The following HPS4 variants were observed in gnomAD, a reference collection of about 807,000 sequenced individuals.
HPS4 encodes HPS4 biogenesis of lysosomal organelles complex 3 subunit 2, also known as BLOC-3 complex member HPS4.
A neutral mutation model predicts 70.3 loss-of-function variants in HPS4; 44 were observed. The observed-to-expected ratio is 0.63, with a 90% CI of 0.49 to 0.80. The LOEUF is 0.80. HPS4 is among the 30% of genes least tolerant of loss of function. The pLI is 0.00. For synonymous variants in HPS4, 377 were observed against 355.9 expected (o/e 1.06, Z -0.67); for missense variants, 873 against 884.4 (o/e 0.99, Z 0.16).
At chr22:26,460,651 C>T (rs913024580) in intron 11 of HPS4, among the ~76,000 whole-genome samples, 4 of 152,220 alleles carry the variant, frequency 2.6e-5, no homozygotes, top group African/African-American at 9.6e-5. Context: ...CAGTTAATCA[C>T]AAGATGCTAT....
downstream of HPS4, among the ~76,000 whole-genome samples, chr22:26,449,754 C>T (rs2085081047): frequency 6.6e-6 from 1 of 152,194 alleles, no homozygotes; most frequent in South Asian, 2.1e-4. Flanking sequence ...AACTGGGCAT[C>T]ACAAGGAGAA....
At chr22:26,457,099 C>T (rs1383509770) in intron 13 of HPS4, among the ~76,000 whole-genome samples, 1 of 151,514 alleles carries the variant, frequency 6.6e-6, no homozygotes, top group Non-Finnish European at 1.5e-5. Context: ...CAATATATAC[C>T]AAACTGTAAA....
At chr22:26,458,405 T>C in intron 12 of HPS4, 40 bp downstream of exon 12, 1 of 1,613,040 alleles carries the variant, frequency 6.2e-7, no homozygotes, top group Non-Finnish European at 8.5e-7. Flanking sequence ...ATCTAGAATC[T>C]GGCATCCCCG....
intron 2 of HPS4, among the ~76,000 whole-genome samples, chr22:26,480,098 T>C (rs1211043288): frequency 6.6e-6 from 1 of 152,196 alleles, no homozygotes; most frequent in Non-Finnish European, 1.5e-5. Flanking sequence ...CACTGCAGTA[T>C]AACTATATTA....
intron 9 of HPS4, 120 bp downstream of exon 9, chr22:26,466,106 T>A: frequency 1.2e-6 from 2 of 1,606,892 alleles, no homozygotes; most frequent in Non-Finnish European, 8.5e-7. Flanking sequence ...TCCATTTTCC[T>A]ATTATGAGCA....
intron 8 of HPS4, chr22:26,467,926 G>A (rs979334685): frequency 6.6e-6 from 1 of 151,942 alleles, no homozygotes; most frequent in African/African-American, 2.4e-5. Context: ...TTTTGAGACA[G>A]AGTCTCACTC....
At chr22:26,446,306 T>C (rs1343036258), downstream of HPS4, among the ~76,000 whole-genome samples, 2 of 152,174 alleles carry the variant, frequency 1.3e-5, no homozygotes, top group Non-Finnish European at 2.9e-5. Context: ...CACCTGTTCA[T>C]CAGCCCCTAG....
intron 7 of HPS4, among the ~76,000 whole-genome samples, chr22:26,469,713 AT>A (rs1355788080): frequency 4.8e-3 from 62 of 12,872 alleles, no homozygotes; most frequent in South Asian, 0.013. Context: ...AAAAAAAAAT[AT>A]ATATATATAC....
chr22:26,460,042 T>C (rs751217389), intron 11 of HPS4, among the ~76,000 whole-genome samples: 1 of 152,230 alleles, frequency 6.6e-6, no homozygotes, highest in Non-Finnish European at 1.5e-5. Flanking sequence ...TAAATCAGTT[T>C]TCCTGTATGA....
At chr22:26,454,846 A>G (rs1224763732) in intron 13 of HPS4, among the ~76,000 whole-genome samples, 1 of 152,206 alleles carries the variant, frequency 6.6e-6, no homozygotes, top group Non-Finnish European at 1.5e-5. Flanking sequence ...ACAAAGGGCT[A>G]ATATCCAGAA....
downstream of HPS4, among the ~76,000 whole-genome samples, chr22:26,450,420 C>T (rs140981923): frequency 2.6e-5 from 4 of 152,334 alleles, no homozygotes; most frequent in Non-Finnish European, 5.9e-5. Context: ...CCATGGAGGG[C>T]GACTTCAACA....
intron 4 of HPS4, chr22:26,476,421 T>C (rs1166013383): frequency 6.5e-6 from 1 of 153,052 alleles, no homozygotes; most frequent in Non-Finnish European, 1.5e-5. Flanking sequence ...CAATCATGGC[T>C]CACTGCAGCC....
chr22:26,474,247 A>G (rs1371628579), intron 4 of HPS4, among the ~76,000 whole-genome samples: 2 of 152,246 alleles, frequency 1.3e-5, no homozygotes, highest in South Asian at 2.1e-4. Flanking sequence ...TCTGTGGAAA[A>G]GCCGAAAAGA....
At chr22:26,467,883 T>C (rs1013226323) in intron 8 of HPS4, 2 of 152,184 alleles carry the variant, frequency 1.3e-5, no homozygotes, top group African/African-American at 4.8e-5. Flanking sequence ...TAGAAGAGTT[T>C]GTTTTCCTTA....
chr22:26,470,861 T>A (rs1022816539), intron 6 of HPS4, 48 bp from the exon 7 acceptor site: 7 of 1,611,268 alleles, frequency 4.3e-6, no homozygotes, highest in Non-Finnish European at 5.9e-6. Flanking sequence ...ATGCTCACAA[T>A]CAGGAAGGGA....
At chr22:26,456,350 T>A (rs763915134) in intron 13 of HPS4, among the ~76,000 whole-genome samples, 35 of 152,226 alleles carry the variant, frequency 2.3e-4, no homozygotes, top group Non-Finnish European at 4.3e-4. Flanking sequence ...TTCTCATCTG[T>A]AAAATGAGGA....
At chr22:26,470,002 G>C (rs2089513112) in intron 7 of HPS4, among the ~76,000 whole-genome samples, 1 of 152,248 alleles carries the variant, frequency 6.6e-6, no homozygotes, top group Non-Finnish European at 1.5e-5. Flanking sequence ...GGAGGATCTG[G>C]GGCCGAGCCT....
intron 13 of HPS4, 78 bp downstream of exon 13, chr22:26,457,781 C>T (rs550098201): frequency 7.8e-5 from 81 of 1,035,694 alleles, no homozygotes; most frequent in South Asian, 3.1e-4. Context: ...AGGAATAAGG[C>T]GCTGCCTGGG....
rs189211910 is a variant in HPS4, at chr22:26,478,209, G to A, written c.132+1056C>T. 1.9e-3 allele frequency among the ~76,000 whole-genome samples: 292 copies of A among 151,928 alleles called. 1 individual carries two copies. The highest frequency in any genetic ancestry group is 3.0e-3 in the Non-Finnish European group (204 of 67,972). ...TGTTGCTTGATACTGGTGAGATGAC[G>A]CAACATCTAGAATTTGCTCCAGGAA... On this transcript the variant is annotated intron_variant, in intron 3 of 13. Coordinates refer to ENST00000398145, the MANE Select transcript of HPS4 (RefSeq NM_022081.6).
Sources: allele counts gnomAD v4.1 joint callset (sites outside exome capture counted in the v4.1 genomes callset), GRCh38; gene constraint gnomAD v4.1.1; transcripts MANE v1.5; gene names NCBI Gene and HGNC (gene_info 2026-07-23, HGNC 2026-07-21).